The following GABRB1 variants were observed in gnomAD, a reference collection of about 807,000 sequenced individuals.
GABRB1 encodes gamma-aminobutyric acid type A receptor subunit beta1.
GABRB1 carries 17 observed loss-of-function variants against 51.6 expected under a neutral mutation model. The observed-to-expected ratio is 0.33, with a 90% CI of 0.23 to 0.49. The LOEUF is 0.49. Ranked by LOEUF, GABRB1 falls within the 20% of genes least tolerant of loss-of-function variation. GABRB1 has a pLI of 0.99. For missense variants in GABRB1, 410 were observed against 600.6 expected (o/e 0.68, Z 3.32); for synonymous variants, 247 against 218.9 (o/e 1.13, Z -1.14).
rs192619987 is a variant in GABRB1 at position 47,019,941 on chromosome 4, T to C, written c.-19-11973T>C. Among the ~76,000 whole-genome samples, 655 of 146,606 alleles carry C rather than the reference T, an allele frequency of 4.5e-3. 2 individuals carry two copies. Among genetic ancestry groups the C allele is most frequent in the African/African-American group, 0.016 (612 of 39,406 alleles). ...ATGTATACGTATATGTATACGTATA[T>C]GTATATGTATATGTATATATATTTT... is the stretch of plus-strand genomic sequence containing the variant. On this transcript the variant is annotated intron_variant, in intron 1 of 3. Transcript: ENST00000513567.
chr4:47,158,059 T>G (rs1459162382), intron 3 of GABRB1, among the ~76,000 whole-genome samples: 2 of 152,090 alleles, frequency 1.3e-5, no homozygotes, highest in Admixed American at 1.3e-4. Context: ...TTTCACCACA[T>G]GGCATGTAGC....
At chr4:47,055,233 T>C (rs774861377) in intron 3 of GABRB1, among the ~76,000 whole-genome samples, 5 of 152,216 alleles carry the variant, frequency 3.3e-5, no homozygotes, top group Non-Finnish European at 7.3e-5. Flanking sequence ...TCTAGATGCA[T>C]GTGTAGCATA....
intron 4 of GABRB1, among the ~76,000 whole-genome samples, chr4:47,289,539 T>C (rs1435325151): frequency 6.6e-6 from 1 of 152,218 alleles, no homozygotes; most frequent in East Asian, 1.9e-4. Flanking sequence ...ACAGAATTTC[T>C]TTTTCTATTT....
chr4:47,216,684 C>T (rs1436827747), intron 4 of GABRB1, among the ~76,000 whole-genome samples: 2 of 151,824 alleles, frequency 1.3e-5, no homozygotes, highest in East Asian at 1.9e-4. Flanking sequence ...AATGGGGGAG[C>T]TCTATTTCAT....
At chr4:47,061,062 T>A (rs1726827757) in intron 3 of GABRB1, among the ~76,000 whole-genome samples, 1 of 152,226 alleles carries the variant, frequency 6.6e-6, no homozygotes, top group Non-Finnish European at 1.5e-5. Flanking sequence ...ATCCATTTAT[T>A]TAAAAATATT....
At chr4:47,085,525 G>C (rs1728021506) in intron 3 of GABRB1, among the ~76,000 whole-genome samples, 1 of 152,040 alleles carries the variant, frequency 6.6e-6, no homozygotes, top group Admixed American at 6.6e-5. Context: ...GACACGGATT[G>C]AAACAGTATA....
chr4:47,039,380 G>T, intron 3 of GABRB1, among the ~76,000 whole-genome samples: 1 of 148,048 alleles, frequency 6.8e-6, no homozygotes, highest in African/African-American at 2.5e-5. Context: ...AAAAAACCAG[G>T]CAACTAGATA....
At chr4:47,103,584 G>A (rs997082679) in intron 3 of GABRB1, among the ~76,000 whole-genome samples, 2 of 151,906 alleles carry the variant, frequency 1.3e-5, no homozygotes, top group Non-Finnish European at 2.9e-5. Flanking sequence ...TTCAATGAAC[G>A]TTTAGATTAG....
In GABRB1 at chr4:47,125,900, A is replaced by T. The variant is rs1428908999; in HGVS notation, c.241-35349A>T. Among the ~76,000 whole-genome samples, 8 of 150,076 alleles carry T rather than the reference A, an allele frequency of 5.3e-5. No individual in the cohort carries two copies. The East Asian group carries it at 1.6e-3, about 29-fold the overall frequency. The stretch of plus-strand genomic sequence containing the variant: ...AATAAACAACACAAAGACATGAAGA[A>T]ATCTTGAGTGCTCATCAACTGATGA... On this transcript the variant is annotated intron_variant, in intron 3 of 8. Coordinates refer to ENST00000295454, the MANE Select transcript of GABRB1 (RefSeq NM_000812.4).
At chr4:47,167,379 G>C (rs574376853) in intron 4 of GABRB1, among the ~76,000 whole-genome samples, 1 of 151,796 alleles carries the variant, frequency 6.6e-6, no homozygotes, top group Non-Finnish European at 1.5e-5. Context: ...ATTCTGAGAA[G>C]ACATTTAGTG....
At chr4:47,180,281 G>C (rs1295274034) in intron 4 of GABRB1, among the ~76,000 whole-genome samples, 1 of 152,020 alleles carries the variant, frequency 6.6e-6, no homozygotes, top group African/African-American at 2.4e-5. Flanking sequence ...TGCACACTCT[G>C]TTTCCCATTG....
In GABRB1 at chr4:47,426,008, A is replaced by G; in HGVS notation, c.1415A>G (p.Tyr472Cys). 2 of 1,588,558 alleles carry G rather than the reference A, an allele frequency of 1.3e-6. No homozygotes were observed. Among genetic ancestry groups the G allele is most frequent in the African/African-American group, 1.3e-5 (1 of 74,552 alleles). Residue 472 changes from tyrosine (Y) to cysteine (C), a missense_variant, in exon 9 of 9, where the codon TAT becomes TGT. Around this residue, in one of 5 missense-constraint regions of GABRB1, gnomAD observed 181 missense variants for 195.6 expected, o/e 0.93. Transcript: ENST00000295454. Reference protein sequence around the residue: ...SLFNVVYWLYYVH With the variant: ...SLFNVVYWLYCVH ...TTTAATGTCGTCTATTGGCTTTACT[A>G]TGTACACTGAGGTCTGTTCTAATGG...
At chr4:47,178,385 A>G (rs372975999) in intron 4 of GABRB1, among the ~76,000 whole-genome samples, 13 of 152,202 alleles carry the variant, frequency 8.5e-5, no homozygotes, top group African/African-American at 3.1e-4. Flanking sequence ...CCTTTGCATT[A>G]CCTTTGATGA....
intron 5 of GABRB1, among the ~76,000 whole-genome samples, chr4:47,351,774 G>T (rs1422830299): frequency 3.3e-5 from 5 of 151,642 alleles, no homozygotes; most frequent in Admixed American, 6.6e-5. Context: ...ATTCCATGGT[G>T]TATATGTGCC....
At chr4:47,318,506 A>T (rs1009520723) in intron 4 of GABRB1, among the ~76,000 whole-genome samples, 21 of 152,038 alleles carry the variant, frequency 1.4e-4, no homozygotes, top group African/African-American at 5.1e-4. Flanking sequence ...TCCCACTATT[A>T]GAGAGATTTG....
intron 4 of GABRB1, among the ~76,000 whole-genome samples, chr4:47,231,634 A>G (rs188052777): frequency 9.8e-5 from 15 of 152,304 alleles, no homozygotes; most frequent in African/African-American, 3.4e-4. Context: ...GGAGACAGAC[A>G]ATGATTTGGG....
chr4:47,186,546 T>C (rs947293191), intron 4 of GABRB1, among the ~76,000 whole-genome samples: 6 of 151,864 alleles, frequency 4.0e-5, no homozygotes, highest in Non-Finnish European at 5.9e-5. Context: ...AAATGGCCCA[T>C]GCACTTTCCA....
At chr4:47,304,792 T>C (rs761736435) in intron 4 of GABRB1, among the ~76,000 whole-genome samples, 2 of 152,098 alleles carry the variant, frequency 1.3e-5, no homozygotes, top group Admixed American at 1.3e-4. Flanking sequence ...ATGGAGCTAC[T>C]AAAATCTGCC....
At chr4:47,135,236 G>C (rs1178211541) in intron 3 of GABRB1, among the ~76,000 whole-genome samples, 1 of 152,186 alleles carries the variant, frequency 6.6e-6, no homozygotes. Flanking sequence ...GTTTTGGGGA[G>C]AAGGTGTTGA....
Sources: allele counts gnomAD v4.1 joint callset (sites outside exome capture counted in the v4.1 genomes callset), GRCh38; gene constraint gnomAD v4.1.1; regional missense constraint gnomAD v4.1.1; transcripts MANE v1.5; gene names NCBI Gene and HGNC (gene_info 2026-07-23, HGNC 2026-07-21).